The following TPCN1 variants were observed in gnomAD, a reference collection of about 807,000 sequenced individuals.
TPCN1 encodes the protein two pore channel protein 1.
In TPCN1, 52 loss-of-function variants were observed where a neutral mutation model predicts 108.8. The observed-to-expected ratio is 0.48, with a 90% CI of 0.38 to 0.60. The LOEUF (loss-of-function observed/expected upper bound fraction) is 0.60, where lower values mean the gene tolerates loss of function less well. Ranked by LOEUF, TPCN1 falls within the 20% of genes least tolerant of loss-of-function variation. TPCN1 has a pLI of 0.00. For missense variants in TPCN1, 806 were observed against 1,072.8 expected (o/e 0.75, Z 3.47); for synonymous variants, 446 against 433.7 (o/e 1.03, Z -0.35).
rs1956173906 is a variant in TPCN1, at chr12:113,288,745, T to C, written c.1707-13T>C. 2.5e-6 allele frequency: 4 copies of C among 1,611,408 alleles called. No homozygotes were observed. The highest frequency in any genetic ancestry group is 3.4e-6 in the Non-Finnish European group (4 of 1,179,924). ...TGCCGGCCCCGCGTCACCCTGCCCC[T>C]GTCGCCCCACAGCCTGGGCCTCACC... On this transcript the variant is annotated splice_polypyrimidine_tract_variant and intron_variant, in intron 20 of 27. Coordinates refer to ENST00000335509, the MANE Select transcript of TPCN1 (RefSeq NM_017901.6). This position sits in a 1 kb window ranked among gnomAD's most constrained non-coding sequence, Gnocchi z 4.8.
At chr12:113,262,266 C>T (rs1319124778) in intron 3 of TPCN1, among the ~76,000 whole-genome samples, 1 of 152,044 alleles carries the variant, frequency 6.6e-6, no homozygotes, top group Admixed American at 6.6e-5. Flanking sequence ...AAAAATTAGC[C>T]AGGCGTAGCA....
In TPCN1 at chr12:113,288,619, C is replaced by T. The variant is rs1956168073; in HGVS notation, c.1707-139C>T. ...CAGAGCTGCCCCACGAGGCCCCTTC[C>T]CCGCAGGCACTTTCCAGTTGGTGAA... is the stretch of plus-strand genomic sequence containing the variant. On this transcript the variant is annotated intron_variant, in intron 20 of 27. Coordinates refer to ENST00000335509, the MANE Select transcript of TPCN1 (RefSeq NM_017901.6). The surrounding 1 kb of genome is among the most constrained non-coding windows in gnomAD (Gnocchi z 4.8). 6 of 1,519,252 alleles carry T rather than the reference C, an allele frequency of 3.9e-6. No individual in the cohort carries two copies. Among genetic ancestry groups the T allele is most frequent in the Non-Finnish European group, 5.3e-6 (6 of 1,137,888 alleles). The allele number at this position is 1,519,252 out of a possible 1,614,324, so 94.1% of individuals were successfully genotyped here.
chr12:113,288,670 C>G lies in TPCN1; in HGVS notation c.1707-88C>G, dbSNP rs1956169832. The G allele has an allele frequency of 1.9e-6, 3 of 1,574,872 alleles. No individual in the cohort carries two copies. The highest frequency in any genetic ancestry group is 2.3e-5 in the South Asian group (2 of 87,222). On this transcript the variant is annotated intron_variant, in intron 20 of 27. Transcript: ENST00000335509. This position sits in a 1 kb window ranked among gnomAD's most constrained non-coding sequence, Gnocchi z 4.8. The stretch of plus-strand genomic sequence containing the variant: ...CCGACCAGGGGCATGGCCCTGCAGT[C>G]AGCCCCACGGGTCCGAGGAGGCCGG...
At chr12:113,292,321 A>T (rs901007471) in intron 25 of TPCN1, 7 of 288,740 alleles carry the variant, frequency 2.4e-5, no homozygotes, top group Non-Finnish European at 4.6e-5. Flanking sequence ...TTTCTCAATA[A>T]TAGGTTCACA....
Position 113,272,073 on chromosome 12 carries a change from A to T in TPCN1, c.749-585A>T, listed in dbSNP as rs1266666218. 2.0e-5 allele frequency among the ~76,000 whole-genome samples: 3 copies of T among 151,490 alleles called. No individual in the cohort carries two copies. Among genetic ancestry groups the T allele is most frequent in the Non-Finnish European group, 4.4e-5 (3 of 67,894 alleles). On this transcript the variant is annotated intron_variant, in intron 7 of 27. Coordinates refer to ENST00000335509, the MANE Select transcript of TPCN1 (RefSeq NM_017901.6). The surrounding 1 kb of genome is among the most constrained non-coding windows in gnomAD (Gnocchi z 4.1). Reference sequence around the variant, plus strand: ...TCATGGCTCTCACTTCCTCCCACCCACCACCCCACTCTTGGTAGAATTTTG... The same window carrying T: ...TCATGGCTCTCACTTCCTCCCACCCTCCACCCCACTCTTGGTAGAATTTTG...
At chr12:113,279,333 G>GTATATATATA (rs1593183326) in intron 14 of TPCN1, among the ~76,000 whole-genome samples, 3 of 126,370 alleles carry the variant, frequency 2.4e-5, no homozygotes, top group Admixed American at 8.5e-5. Context: ...GTGTGTGTGT[G>GTATATATATA]TGTGTATATA....
At chr12:113,245,201 A>G (rs1954310042) in intron 2 of TPCN1, among the ~76,000 whole-genome samples, 1 of 151,450 alleles carries the variant, frequency 6.6e-6, no homozygotes, top group Admixed American at 6.6e-5. Context: ...CCCAGGAGAT[A>G]AAGGCTGCAG....
chr12:113,260,537 G>A (rs1375304517), intron 3 of TPCN1, 45 bp downstream of exon 3: 41 of 1,544,372 alleles, frequency 2.7e-5, no homozygotes, highest in Non-Finnish European at 3.4e-5. Context: ...GCACCTGTTG[G>A]TGGGGTGGGG....
intron 1 of TPCN1, chr12:113,225,221 A>G (rs1333927122): frequency 2.2e-6 from 1 of 452,836 alleles, no homozygotes. Context: ...TACCCAGCTA[A>G]TTTAAAATTT....
intron 2 of TPCN1, among the ~76,000 whole-genome samples, chr12:113,257,185 C>T (rs907851284): frequency 6.6e-6 from 1 of 152,186 alleles, no homozygotes; most frequent in African/African-American, 2.4e-5. Flanking sequence ...TATACCACTA[C>T]CCATCTTTTG....
Position 113,292,947 on chromosome 12 carries a change from C to T in TPCN1, c.2127C>T (p.Ile709=). Residue 709 remains isoleucine, a synonymous_variant, in exon 26 of 28, where the codon ATC becomes ATT. Coordinates refer to ENST00000335509, the MANE Select transcript of TPCN1 (RefSeq NM_017901.6). ...KNQDSEVDGG[I]TLEKEISKEE... is the part of the protein sequence containing the mutation. Reference sequence around the variant, plus strand: ...CCATCCCTGCAGTTGATGGTGGCATCACCCTTGAGAAGGAAATCTCCAAAG... The same window carrying T: ...CCATCCCTGCAGTTGATGGTGGCATTACCCTTGAGAAGGAAATCTCCAAAG... 1 of 1,612,448 alleles carries T rather than the reference C, an allele frequency of 6.2e-7. No individual in the cohort carries two copies. The highest frequency in any genetic ancestry group is 8.5e-7 in the Non-Finnish European group (1 of 1,179,758).
In TPCN1 at chr12:113,287,039, C is replaced by G. The variant is rs773892691; in HGVS notation, c.1579C>G (p.Leu527Val). ...FAFLGLLALA[L>V]NMEPFYFIVV... Reference sequence around the variant, plus strand: ...CTTCCTGGGACTGCTGGCGCTGGCCCTCAACATGGAGCCCTTCTATTTCAT... The same window carrying G: ...CTTCCTGGGACTGCTGGCGCTGGCCGTCAACATGGAGCCCTTCTATTTCAT... Residue 527 changes from leucine (L) to valine (V), a missense_variant, in exon 19 of 28, where the codon CTC (leucine) becomes GTC (valine). By Grantham distance (32) the Leu-to-Val change is conservative (BLOSUM62 1). Transcript: ENST00000335509. The G allele has an allele frequency of 2.5e-6, 4 of 1,613,940 alleles. No homozygotes were observed. In the Admixed American group the frequency reaches 5.0e-5, roughly 20 times the overall value.
intron 2 of TPCN1, among the ~76,000 whole-genome samples, chr12:113,240,857 C>T (rs1443167853): frequency 6.6e-6 from 1 of 151,942 alleles, no homozygotes; most frequent in Non-Finnish European, 1.5e-5. Context: ...AGTGATTCTC[C>T]TGCCTCAGCT....
intron 14 of TPCN1, among the ~76,000 whole-genome samples, 187 bp from the exon 15 acceptor site, chr12:113,279,964 C>T (rs1955832693): frequency 6.6e-6 from 1 of 152,122 alleles, no homozygotes; most frequent in Admixed American, 6.5e-5. Flanking sequence ...TGAGCAGAAG[C>T]ATGGGTACCA....
chr12:113,292,681 C>T, intron 25 of TPCN1: 1 of 424,486 alleles, frequency 2.4e-6, no homozygotes, highest in Non-Finnish European at 4.2e-6. Flanking sequence ...ACCATTTTCT[C>T]TGTGCTTAGA....
chr12:113,273,413 G>C lies in TPCN1; in HGVS notation c.842+123G>C. On this transcript the variant is annotated intron_variant, in intron 9 of 27. Transcript: ENST00000335509. The surrounding 1 kb of genome is among the most constrained non-coding windows in gnomAD (Gnocchi z 4.0). ...GTGCTGTGGTGCTATTGGGAGACAG[G>C]GTTGGCCCACTGAGCACGGAGCCCA... 1 of 1,323,056 alleles carries C rather than the reference G, an allele frequency of 7.6e-7. No individual in the cohort carries two copies. The highest frequency in any genetic ancestry group is 1.1e-6 in the Non-Finnish European group (1 of 919,334). 82.0% of individuals were successfully genotyped at this position (1,323,056 alleles called of 1,614,324 possible). A position where few individuals can be genotyped will look rare whatever the true frequency, so the allele number is the denominator to read the frequency against.
At chr12:113,234,681 A>G (rs1467666248) in intron 2 of TPCN1, among the ~76,000 whole-genome samples, 2 of 152,180 alleles carry the variant, frequency 1.3e-5, no homozygotes, top group African/African-American at 2.4e-5. Flanking sequence ...ACAAGATTGT[A>G]GCAAAAAATT....
Position 113,288,745 on chromosome 12 carries a change from T to A in TPCN1, c.1707-13T>A. On this transcript the variant is annotated splice_polypyrimidine_tract_variant and intron_variant, in intron 20 of 27. Coordinates refer to ENST00000335509, the MANE Select transcript of TPCN1 (RefSeq NM_017901.6). This position sits in a 1 kb window ranked among gnomAD's most constrained non-coding sequence, Gnocchi z 4.8. ...TGCCGGCCCCGCGTCACCCTGCCCC[T>A]GTCGCCCCACAGCCTGGGCCTCACC... The A allele has an allele frequency of 6.2e-7, 1 of 1,611,408 alleles. No homozygotes were observed. The highest frequency in any genetic ancestry group is 8.5e-7 in the Non-Finnish European group (1 of 1,179,924).
At chr12:113,276,693 A>G (rs1955683629) in intron 10 of TPCN1, among the ~76,000 whole-genome samples, 1 of 152,202 alleles carries the variant, frequency 6.6e-6, no homozygotes, top group South Asian at 2.1e-4. Context: ...CAATGCCTTC[A>G]TGTATCTGAA....
Sources: allele counts gnomAD v4.1 joint callset (sites outside exome capture counted in the v4.1 genomes callset), GRCh38; gene constraint gnomAD v4.1.1; non-coding constraint Gnocchi (gnomAD v3.1); transcripts MANE v1.5; gene names NCBI Gene and HGNC (gene_info 2026-07-23, HGNC 2026-07-21).